UBE3D: variants seen among roughly 807,000 people sequenced by gnomAD.
The protein encoded by UBE3D is E3 ubiquitin-protein ligase E3D.
Under a neutral mutation model 49.6 loss-of-function variants are expected in UBE3D, and 48 were observed. The ratio of observed to expected loss-of-function variants is 0.97; its 90% CI spans 0.77 to 1.23. UBE3D has a LOEUF of 1.23. Ranked by LOEUF, UBE3D falls within the 50% of genes most tolerant of loss-of-function variation. UBE3D has a pLI of 0.00. For missense variants in UBE3D, 452 were observed against 468.4 expected (o/e 0.96, Z 0.32); for synonymous variants, 189 against 174.2 (o/e 1.08, Z -0.67).
intron 6 of UBE3D, 122 bp from the exon 7 acceptor site, chr6:83,022,683 A>G (rs1163568136): frequency 5.4e-6 from 3 of 553,516 alleles, no homozygotes; most frequent in Non-Finnish European, 9.4e-6. Flanking sequence ...AGACTTTTCT[A>G]CGGACTGCTC....
At chr6:82,880,882 G>T in the UBE3D span, among the ~76,000 whole-genome samples, 1 of 152,140 alleles carries the variant, frequency 6.6e-6, no homozygotes, top group Non-Finnish European at 1.5e-5. Flanking sequence ...TTGGGCTCTG[G>T]TGCAGGCTCT....
intron 8 of UBE3D, among the ~76,000 whole-genome samples, chr6:82,973,944 A>T (rs111523055): frequency 0.01 from 1,568 of 152,276 alleles, 17 homozygotes; most frequent in African/African-American, 0.02. Flanking sequence ...ATGAGAATCT[A>T]ATACCTGATT....
chr6:82,919,870 C>T (rs753194137), intron 9 of UBE3D, among the ~76,000 whole-genome samples: 3 of 152,072 alleles, frequency 2.0e-5, no homozygotes, highest in Non-Finnish European at 4.4e-5. Context: ...GAGAAAAACA[C>T]ACAGACATTG....
intron 8 of UBE3D, among the ~76,000 whole-genome samples, chr6:82,977,370 A>C (rs996970540): frequency 6.6e-6 from 1 of 152,036 alleles, no homozygotes; most frequent in Non-Finnish European, 1.5e-5. Context: ...CTGTATATCC[A>C]TCTCTCTACC....
intron 8 of UBE3D, among the ~76,000 whole-genome samples, chr6:82,997,963 T>C (rs969642475): frequency 2.9e-5 from 1 of 34,720 alleles, no homozygotes; most frequent in African/African-American, 8.8e-5. Flanking sequence ...TTAGGAATGA[T>C]TGATTTTTTT....
chr6:82,991,754 C>T (rs1778900678), intron 8 of UBE3D, among the ~76,000 whole-genome samples: 1 of 152,100 alleles, frequency 6.6e-6, no homozygotes, highest in South Asian at 2.1e-4. Context: ...GATTTACTTT[C>T]TTAACTGAAG....
At chr6:83,030,406 C>T (rs1444021558) in intron 5 of UBE3D, among the ~76,000 whole-genome samples, 2 of 152,118 alleles carry the variant, frequency 1.3e-5, no homozygotes, top group African/African-American at 2.4e-5. Context: ...TTATAAAAGA[C>T]AGTTCCCCTG....
intron 8 of UBE3D, among the ~76,000 whole-genome samples, chr6:82,999,557 G>T (rs938640713): frequency 2.0e-5 from 3 of 152,056 alleles, no homozygotes; most frequent in African/African-American, 7.2e-5. Flanking sequence ...GCTAATTTTT[G>T]GATTTTTAGT....
In UBE3D at chr6:83,065,494, G is replaced by A. The variant is rs1251786599; in HGVS notation, c.77+148C>T. On this transcript the variant is annotated intron_variant, in intron 1 of 9. Coordinates refer to ENST00000369747, the MANE Select transcript of UBE3D (RefSeq NM_198920.3). ...GGGAGTGGCGGAGCCGACTACAGGG[G>A]AAAGCTTCACTTTGAGTGATCGAGA... 4 of 715,988 alleles carry A rather than the reference G, an allele frequency of 5.6e-6. No homozygotes were observed. The East Asian group carries it at 8.7e-5, about 16-fold the overall frequency. 44.4% of individuals were successfully genotyped at this position (715,988 alleles called of 1,614,324 possible).
chr6:82,992,019 C>T (rs978785053), intron 8 of UBE3D, among the ~76,000 whole-genome samples: 27 of 151,934 alleles, frequency 1.8e-4, no homozygotes, highest in Admixed American at 1.0e-3. Flanking sequence ...ACAAAAATCC[C>T]GAAAAGTTTA....
intron 8 of UBE3D, among the ~76,000 whole-genome samples, chr6:83,012,731 T>C (rs1420260307): frequency 6.6e-6 from 1 of 152,216 alleles, no homozygotes; most frequent in East Asian, 1.9e-4. Flanking sequence ...TGTCTGACCA[T>C]GTCAAACCAT....
At chr6:82,926,952 T>C (rs1011504935) in intron 9 of UBE3D, among the ~76,000 whole-genome samples, 2 of 152,122 alleles carry the variant, frequency 1.3e-5, no homozygotes, top group African/African-American at 4.8e-5. Context: ...TAGAATTTCT[T>C]CTACATTATC....
intron 9 of UBE3D, among the ~76,000 whole-genome samples, chr6:82,931,849 C>G (rs1364779000): frequency 6.6e-6 from 1 of 151,898 alleles, no homozygotes; most frequent in African/African-American, 2.4e-5. Context: ...CTGGGAGGGG[C>G]CGGGGTGAAA....
intron 6 of UBE3D, among the ~76,000 whole-genome samples, 176 bp downstream of exon 6, chr6:83,023,793 G>A (rs1352301450): frequency 6.6e-6 from 1 of 152,162 alleles, no homozygotes; most frequent in East Asian, 1.9e-4. Flanking sequence ...AACAGTGCTT[G>A]TGTGATGGAT....
chr6:83,019,753 G>A (rs1342158797), intron 7 of UBE3D, among the ~76,000 whole-genome samples: 2 of 152,150 alleles, frequency 1.3e-5, no homozygotes, highest in Non-Finnish European at 2.9e-5. Context: ...TCTGGAGTCT[G>A]GTTTCAGCCT....
At chr6:83,024,902 G>T (rs189236834) in intron 5 of UBE3D, among the ~76,000 whole-genome samples, 1 of 152,212 alleles carries the variant, frequency 6.6e-6, no homozygotes, top group Non-Finnish European at 1.5e-5. Flanking sequence ...TCATTCAAGG[G>T]GTCCTGGGCC....
intron 4 of UBE3D, among the ~76,000 whole-genome samples, chr6:83,042,429 C>T (rs555723319): frequency 1.3e-5 from 2 of 152,276 alleles, no homozygotes; most frequent in East Asian, 3.9e-4. Flanking sequence ...AAAAGCAGAT[C>T]TTTTTAATTA....
chr6:83,018,949 A>G lies in UBE3D; in HGVS notation c.1010+24T>C, dbSNP rs1378593101. 9 of 1,610,022 alleles carry G rather than the reference A, an allele frequency of 5.6e-6. No individual in the cohort carries two copies. In the African/African-American group the frequency reaches 1.1e-4, roughly 19 times the overall value. ...ACAAAAGCTAAAACATAATGTGGAA[A>G]GAGAAAACAAATGCACAACTTACTT... On this transcript the variant is annotated intron_variant, in intron 8 of 9. Coordinates refer to ENST00000369747, the MANE Select transcript of UBE3D (RefSeq NM_198920.3).
intron 4 of UBE3D, among the ~76,000 whole-genome samples, chr6:83,040,949 G>A (rs1250436505): frequency 6.6e-6 from 1 of 152,180 alleles, no homozygotes; most frequent in African/African-American, 2.4e-5. Context: ...AACTCAGAAA[G>A]CCAGTATGGT....
Sources: allele counts gnomAD v4.1 joint callset (sites outside exome capture counted in the v4.1 genomes callset), GRCh38; gene constraint gnomAD v4.1.1; transcripts MANE v1.5; gene names NCBI Gene and HGNC (gene_info 2026-07-23, HGNC 2026-07-21).